LRP1B: variants seen among roughly 807,000 people sequenced by gnomAD.
LRP1B encodes LDL receptor related protein 1B.
LRP1B carries 217 observed loss-of-function variants against 556.6 expected under a neutral mutation model. That is an observed-to-expected ratio of 0.39 (90% CI 0.35 to 0.44). The LOEUF is 0.44. LRP1B is among the 20% of genes least tolerant of loss of function. The probability of loss-of-function intolerance (pLI) is 1.00; values close to 1 mark genes in which losing one functional copy is unlikely to be tolerated. For missense variants in LRP1B, 5,053 were observed against 5,620.8 expected (o/e 0.90, Z 3.23); for synonymous variants, 2,047 against 1,865.8 (o/e 1.10, Z -2.50).
At chr2:140,586,780 A>G in intron 43 of LRP1B, 1 of 152,168 alleles carries the variant, frequency 6.6e-6, no homozygotes, top group Non-Finnish European at 1.5e-5. Context: ...AGGGTTGAAA[A>G]TACGGAGATA....
intron 41 of LRP1B, among the ~76,000 whole-genome samples, chr2:140,645,612 T>A (rs964106582): frequency 1.5e-5 from 2 of 136,546 alleles, no homozygotes; most frequent in Non-Finnish European, 3.1e-5. Context: ...CGATCTCCGC[T>A]CACTGCAAGC....
At chr2:140,305,910 C>A (rs376786618) in intron 83 of LRP1B, among the ~76,000 whole-genome samples, 1 of 151,540 alleles carries the variant, frequency 6.6e-6, no homozygotes, top group African/African-American at 2.4e-5. Flanking sequence ...ATTGAGATAA[C>A]CATGTGGTTT....
rs546848102 is a variant in LRP1B, at chr2:140,359,006, A to T, written c.11132-60T>A. Reference sequence around the variant, plus strand: ...TCGAGTACATTGCTTTATGAAGAACATTCTTCCTTTTTCTTTTATTCTTTT... The same window carrying T: ...TCGAGTACATTGCTTTATGAAGAACTTTCTTCCTTTTTCTTTTATTCTTTT... On this transcript the variant is annotated intron_variant, in intron 72 of 90. Coordinates refer to ENST00000389484, the MANE Select transcript of LRP1B (RefSeq NM_018557.3). The T allele has an allele frequency of 4.0e-6, 6 of 1,502,342 alleles. No homozygotes were observed. In the Admixed American group the frequency reaches 7.8e-5, roughly 19 times the overall value. 93.1% of individuals were successfully genotyped at this position (1,502,342 alleles called of 1,614,324 possible). A position where few individuals can be genotyped will look rare whatever the true frequency, so the allele number is the denominator to read the frequency against.
chr2:140,631,552 A>G (rs1320801316), intron 41 of LRP1B, among the ~76,000 whole-genome samples: 1 of 152,252 alleles, frequency 6.6e-6, no homozygotes, highest in Non-Finnish European at 1.5e-5. Flanking sequence ...GACTGAATAC[A>G]GCTAACGAAA....
At chr2:140,941,296 T>G (rs1432701050) in intron 20 of LRP1B, among the ~76,000 whole-genome samples, 1 of 152,134 alleles carries the variant, frequency 6.6e-6, no homozygotes, top group Admixed American at 6.6e-5. Flanking sequence ...CAAGATACTC[T>G]TCTTCCATGG....
intron 41 of LRP1B, among the ~76,000 whole-genome samples, chr2:140,692,509 CA>C (rs1686281128): frequency 6.6e-6 from 1 of 152,062 alleles, no homozygotes; most frequent in Admixed American, 6.5e-5. Flanking sequence ...TTTCTCATTA[CA>C]AAACTTTTAA....
intron 83 of LRP1B, among the ~76,000 whole-genome samples, chr2:140,313,612 T>C (rs1312594938): frequency 2.6e-5 from 4 of 151,900 alleles, no homozygotes; most frequent in Non-Finnish European, 4.4e-5. Flanking sequence ...GAAAATTAAG[T>C]TACTAATTAA....
intron 5 of LRP1B, among the ~76,000 whole-genome samples, chr2:141,233,299 A>G (rs1683539335): frequency 6.6e-6 from 1 of 152,208 alleles, no homozygotes; most frequent in Admixed American, 6.5e-5. Flanking sequence ...AAACACCTAC[A>G]GCAGGCTGTC....
chr2:141,153,386 G>T (rs1265999688), intron 7 of LRP1B, among the ~76,000 whole-genome samples: 4 of 76,614 alleles, frequency 5.2e-5, no homozygotes, highest in African/African-American at 9.1e-5. Context: ...ATATATATAA[G>T]CTATATATTT....
At chr2:142,042,812 T>C (rs918062404) in intron 1 of LRP1B, among the ~76,000 whole-genome samples, 2 of 151,572 alleles carry the variant, frequency 1.3e-5, no homozygotes, top group East Asian at 1.9e-4. Flanking sequence ...TTTTCCTTTT[T>C]ACAGACACAC....
intron 1 of LRP1B, among the ~76,000 whole-genome samples, chr2:142,024,784 A>C (rs1703451881): frequency 6.6e-6 from 1 of 151,846 alleles, no homozygotes; most frequent in Non-Finnish European, 1.5e-5. Flanking sequence ...TTCCTATTTG[A>C]CTACCTGTCA....
intron 15 of LRP1B, among the ~76,000 whole-genome samples, chr2:141,003,058 A>G (rs538422490): frequency 6.6e-6 from 1 of 152,004 alleles, no homozygotes; most frequent in African/African-American, 2.4e-5. Flanking sequence ...CCAAATACCT[A>G]AAGAAGATGT....
chr2:140,736,355 T>G (rs1405294945), intron 35 of LRP1B, among the ~76,000 whole-genome samples: 1 of 152,110 alleles, frequency 6.6e-6, no homozygotes, highest in Non-Finnish European at 1.5e-5. Flanking sequence ...GTCCCAAAGC[T>G]TGGCTCAATA....
intron 1 of LRP1B, among the ~76,000 whole-genome samples, chr2:142,106,744 T>C (rs1706759708): frequency 6.6e-6 from 1 of 152,166 alleles, no homozygotes; most frequent in African/African-American, 2.4e-5. Context: ...GTAATAATGA[T>C]GACCTTGAAA....
At chr2:141,292,188 A>G (rs894225826) in intron 3 of LRP1B, among the ~76,000 whole-genome samples, 2 of 152,144 alleles carry the variant, frequency 1.3e-5, no homozygotes, top group East Asian at 3.9e-4. Flanking sequence ...ATGAGAATCT[A>G]ATGCCTGATG....
intron 1 of LRP1B, among the ~76,000 whole-genome samples, chr2:141,957,886 A>T (rs1418036722): frequency 6.6e-6 from 1 of 152,098 alleles, no homozygotes; most frequent in Non-Finnish European, 1.5e-5. Flanking sequence ...TGTTTTAACA[A>T]GTTTTTCTTG....
At chr2:140,769,153 T>C in intron 35 of LRP1B, 60 bp downstream of exon 35, 1 of 1,467,822 alleles carries the variant, frequency 6.8e-7, no homozygotes, top group South Asian at 1.2e-5. Flanking sequence ...TGTATTCCCA[T>C]CATGTTTAAT....
At position 140,557,992 on chromosome 2, in the gene LRP1B, C is replaced by T. The variant is rs150340140; in HGVS notation, c.7195-16021G>A. 1.8e-3 allele frequency among the ~76,000 whole-genome samples: 275 copies of T among 152,232 alleles called. 3 individuals carry two copies. The highest frequency in any genetic ancestry group is 3.9e-3 in the Admixed American group (59 of 15,276). On this transcript the variant is annotated intron_variant, in intron 43 of 90. Coordinates refer to ENST00000389484, the MANE Select transcript of LRP1B (RefSeq NM_018557.3). ...AGAATATCACCTGATGCATATTAGG[C>T]GCTCAACAAATACTTGTTGAACAAA...
At chr2:140,737,564 C>A (rs998678968) in intron 35 of LRP1B, among the ~76,000 whole-genome samples, 4 of 152,156 alleles carry the variant, frequency 2.6e-5, no homozygotes, top group Non-Finnish European at 4.4e-5. Flanking sequence ...TGAACACCAA[C>A]ACTAGTTAAT....
Sources: allele counts gnomAD v4.1 joint callset (sites outside exome capture counted in the v4.1 genomes callset), GRCh38; gene constraint gnomAD v4.1.1; transcripts MANE v1.5; gene names NCBI Gene and HGNC (gene_info 2026-07-23, HGNC 2026-07-21).